The following HACL2 variants were observed in gnomAD, a reference collection of about 807,000 sequenced individuals.
HACL2 encodes the protein 2-hydroxyacyl-CoA lyase 1 like.
At chr19:15,122,801 G>A in the HACL2 span, 164 of 1,613,944 alleles carry the variant, frequency 1.0e-4, 1 homozygote, top group South Asian at 1.2e-3. The surrounding 1 kb of genome is among the most constrained non-coding windows in gnomAD (Gnocchi z 4.0). Context: ...CACAAACACC[G>A]GACCTGCAGG....
chr19:15,119,793 C>T, the HACL2 span, among the ~76,000 whole-genome samples: 2,686 of 152,220 alleles, frequency 0.018, 40 homozygotes, highest in Non-Finnish European at 0.027. Flanking sequence ...TCAAGTGATC[C>T]GCCTGCCTCG....
At chr19:15,117,254 G>A in the HACL2 span, 1 of 153,382 alleles carries the variant, frequency 6.5e-6, no homozygotes, top group Non-Finnish European at 1.5e-5. Context: ...ACGGCAGGAA[G>A]ACAGGCTAAG....
At chr19:15,116,326 G>A in the HACL2 span, 82 of 1,613,832 alleles carry the variant, frequency 5.1e-5, 1 homozygote, top group Admixed American at 8.8e-4. Flanking sequence ...TTCTCCCTGC[G>A]ACAGGACAGC....
At chr19:15,118,669 C>T in the HACL2 span, among the ~76,000 whole-genome samples, 1 of 152,196 alleles carries the variant, frequency 6.6e-6, no homozygotes, top group Admixed American at 6.5e-5. Context: ...TCTCCTAGCC[C>T]CATAGTTTTC....
chr19:15,123,691 G>A, the HACL2 span: 3 of 879,206 alleles, frequency 3.4e-6, no homozygotes, highest in African/African-American at 3.3e-5. The surrounding 1 kb of genome is among the most constrained non-coding windows in gnomAD (Gnocchi z 5.1). Flanking sequence ...GAGAGGTCAA[G>A]AGAAGCTTGG....
At chr19:15,119,704 C>A in the HACL2 span, among the ~76,000 whole-genome samples, 2 of 152,188 alleles carry the variant, frequency 1.3e-5, no homozygotes, top group African/African-American at 4.8e-5. Context: ...GCGCGTGCCA[C>A]CATGCCTGGC....
At chr19:15,120,855 C>T in the HACL2 span, among the ~76,000 whole-genome samples, 2 of 152,112 alleles carry the variant, frequency 1.3e-5, 1 homozygote, top group South Asian at 4.1e-4. Flanking sequence ...TTGCTCGAGG[C>T]CAGGAGTTCA....
chr19:15,115,643 T>C, the HACL2 span: 1 of 1,613,868 alleles, frequency 6.2e-7, no homozygotes, highest in Non-Finnish European at 8.5e-7. Flanking sequence ...CCAGCCAGCA[T>C]CATTCCCTAC....
chr19:15,118,939 A>T, the HACL2 span, among the ~76,000 whole-genome samples: 3 of 152,246 alleles, frequency 2.0e-5, no homozygotes, highest in Non-Finnish European at 4.4e-5. Context: ...GGATCTTGAG[A>T]AATCAGAAAT....
chr19:15,117,530 A>T, the HACL2 span: 1 of 178,182 alleles, frequency 5.6e-6, no homozygotes, highest in East Asian at 1.5e-4. Context: ...TTAACAAATT[A>T]GCCTGGCATG....
At chr19:15,120,321 C>T in the HACL2 span, among the ~76,000 whole-genome samples, 5 of 152,272 alleles carry the variant, frequency 3.3e-5, no homozygotes, top group South Asian at 2.1e-4. Context: ...AAGCAAGGAA[C>T]GCAGGCTCAG....
At chr19:15,124,777 A>G in the HACL2 span, 1 of 1,065,146 alleles carries the variant, frequency 9.4e-7, no homozygotes. Context: ...CAATGGAGAC[A>G]GGGCCCTGGA....
the HACL2 span, chr19:15,125,146 G>T: frequency 7.3e-7 from 1 of 1,364,338 alleles, no homozygotes; most frequent in Non-Finnish European, 9.8e-7. Context: ...CCTTCTCGCA[G>T]CAGGATCCAG....
chr19:15,125,519 T>C, the HACL2 span: 9 of 171,316 alleles, frequency 5.3e-5, no homozygotes, highest in Non-Finnish European at 1.1e-4. Context: ...GGCGCGACCC[T>C]CCACGCAACC....
At chr19:15,115,762 G>A in the HACL2 span, 1 of 1,574,238 alleles carries the variant, frequency 6.4e-7, no homozygotes, top group Non-Finnish European at 8.7e-7. Context: ...CTCTGCCAGA[G>A]AGGAGGCTCC....
At chr19:15,115,086 A>G in the HACL2 span, 1 of 770,260 alleles carries the variant, frequency 1.3e-6, no homozygotes, top group South Asian at 1.5e-5. Context: ...CCAAGAGCTC[A>G]CAAGAGAGCC....
At chr19:15,115,307 A>T in the HACL2 span, 10 of 1,614,072 alleles carry the variant, frequency 6.2e-6, no homozygotes, top group East Asian at 2.2e-4. Context: ...GATGTTGACC[A>T]CAACCGGGTG....
the HACL2 span, among the ~76,000 whole-genome samples, chr19:15,120,714 T>A: frequency 6.6e-6 from 1 of 152,114 alleles, no homozygotes; most frequent in Non-Finnish European, 1.5e-5. Context: ...CAGGAAACAG[T>A]CGGAGCTCAG....
the HACL2 span, chr19:15,119,151 G>A: frequency 6.5e-7 from 1 of 1,528,952 alleles, no homozygotes; most frequent in South Asian, 1.3e-5. Context: ...GGGAAAGGAA[G>A]AGGCTCAGGC....
Sources: allele counts gnomAD v4.1 joint callset (sites outside exome capture counted in the v4.1 genomes callset), GRCh38; gene constraint gnomAD v4.1.1; non-coding constraint Gnocchi (gnomAD v3.1); transcripts MANE v1.5; gene names NCBI Gene and HGNC (gene_info 2026-07-23, HGNC 2026-07-21).